The following SYT9 variants were observed in gnomAD, a reference collection of about 807,000 sequenced individuals.
The protein encoded by SYT9 is synaptotagmin-9.
A neutral mutation model predicts 48.4 loss-of-function variants in SYT9; 22 were observed. That is an observed-to-expected ratio of 0.45 (90% CI 0.32 to 0.65). The LOEUF is 0.65. Ranked by LOEUF, SYT9 falls within the 30% of genes least tolerant of loss-of-function variation. SYT9 has a pLI of 0.03. For synonymous variants in SYT9, 265 were observed against 245.0 expected, an observed-to-expected ratio of 1.08 and a Z score of -0.76; for missense variants, 577 against 622.0, an observed-to-expected ratio of 0.93 and a Z score of 0.77.
intron 6 of SYT9, chr11:7,454,029 C>T: frequency 3.0e-6 from 3 of 985,428 alleles, no homozygotes; most frequent in Non-Finnish European, 3.6e-6. Flanking sequence ...GCCAAGAGGG[C>T]TCAGCTTCCC....
chr11:7,251,238 G>A (rs1037656032), upstream of SYT9, among the ~76,000 whole-genome samples: 1 of 152,116 alleles, frequency 6.6e-6, no homozygotes, highest in African/African-American at 2.4e-5. Flanking sequence ...AAGATTCTGT[G>A]ATACTCCTCC....
intron 3 of SYT9, among the ~76,000 whole-genome samples, chr11:7,384,095 C>CT (rs1323341093): frequency 6.6e-6 from 1 of 151,188 alleles, no homozygotes; most frequent in Non-Finnish European, 1.5e-5. Flanking sequence ...CACACACACC[C>CT]TCACACCTTA....
At chr11:7,278,584 G>T (rs1368625265) in intron 1 of SYT9, among the ~76,000 whole-genome samples, 1 of 152,168 alleles carries the variant, frequency 6.6e-6, no homozygotes, top group Non-Finnish European at 1.5e-5. Context: ...GGTTTAAAGA[G>T]GGTGGTTCTT....
At chr11:7,438,329 G>A (rs1168376722) in intron 6 of SYT9, 1 of 152,226 alleles carries the variant, frequency 6.6e-6, no homozygotes, top group Non-Finnish European at 1.5e-5. Flanking sequence ...TTCTCACAGA[G>A]CACACAGGAT....
At chr11:7,246,496 A>C (rs777789455) in intron 1 of SYT9, among the ~76,000 whole-genome samples, 1 of 152,166 alleles carries the variant, frequency 6.6e-6, no homozygotes, top group Non-Finnish European at 1.5e-5. Context: ...AGCTAACTCT[A>C]CTTCTTCAAT....
At chr11:7,334,405 G>A (rs59459546) in intron 3 of SYT9, among the ~76,000 whole-genome samples, 1,660 of 152,256 alleles carry the variant, frequency 0.011, 29 homozygotes, top group African/African-American at 0.038. Flanking sequence ...GGCCACTCGC[G>A]TGTGGTTAAT....
At chr11:7,305,865 C>A (rs1030891022) in intron 2 of SYT9, among the ~76,000 whole-genome samples, 1 of 152,232 alleles carries the variant, frequency 6.6e-6, no homozygotes, top group African/African-American at 2.4e-5. Context: ...CAGTTTCTGT[C>A]ACACCATTGA....
At chr11:7,357,815 C>A (rs929019365) in intron 3 of SYT9, among the ~76,000 whole-genome samples, 1 of 152,048 alleles carries the variant, frequency 6.6e-6, no homozygotes, top group Non-Finnish European at 1.5e-5. Flanking sequence ...ACCAATGTAA[C>A]CATTTTTATT....
At chr11:7,282,895 A>G (rs917938477) in intron 1 of SYT9, among the ~76,000 whole-genome samples, 13 of 151,576 alleles carry the variant, frequency 8.6e-5, no homozygotes, top group African/African-American at 3.2e-4. Context: ...CAAGTAATAT[A>G]TGCACCGTGT....
chr11:7,366,883 C>T (rs1013997090), intron 3 of SYT9, among the ~76,000 whole-genome samples: 13 of 151,766 alleles, frequency 8.6e-5, no homozygotes, highest in African/African-American at 2.9e-4. Flanking sequence ...CCCTCATAAA[C>T]ATTTATTATT....
chr11:7,313,873 C>G lies in SYT9; in HGVS notation c.976C>G (p.His326Asp). 6.2e-7 allele frequency: 1 copy of G among 1,614,140 alleles called. No individual in the cohort carries two copies. The highest frequency in any genetic ancestry group is 2.2e-5 in the East Asian group (1 of 44,886). ...HDLIGQVVVD[H>D]FLDLADFPRE... is the part of the protein sequence containing the mutation. ...CTTAATCGGCCAAGTGGTGGTGGAT[C>G]ACTTCCTAGACTTGGCTGATTTCCC... Residue 326 changes from histidine to aspartate, a missense_variant, in exon 3 of 7, where the codon CAC becomes GAC. Coordinates refer to ENST00000318881, the MANE Select transcript of SYT9 (RefSeq NM_175733.4).
chr11:7,261,723 C>A (rs1327982857), intron 1 of SYT9, among the ~76,000 whole-genome samples: 1 of 151,772 alleles, frequency 6.6e-6, no homozygotes, highest in Non-Finnish European at 1.5e-5. Flanking sequence ...GCGTTCCAGG[C>A]AGGAGAGCGG....
chr11:7,388,235 T>G (rs1452519521), intron 3 of SYT9, among the ~76,000 whole-genome samples: 4 of 152,194 alleles, frequency 2.6e-5, no homozygotes, highest in Admixed American at 2.6e-4. Context: ...GAGTTTTGTG[T>G]TTTAAAGAAC....
At chr11:7,286,589 G>T (rs1239181815) in intron 1 of SYT9, among the ~76,000 whole-genome samples, 1 of 152,184 alleles carries the variant, frequency 6.6e-6, no homozygotes, top group Non-Finnish European at 1.5e-5. Context: ...TTTCTCCCCA[G>T]AAAATGGCTT....
chr11:7,468,222 C>CATT lies in SYT9; in HGVS notation c.*1423_*1425dup, dbSNP rs1222620414. On this transcript the variant is annotated 3_prime_UTR_variant, in exon 7 of 7. Coordinates refer to ENST00000318881, the MANE Select transcript of SYT9 (RefSeq NM_175733.4). ...AGCTCATTATCTCTGTTTGAATTAA[C>CATT]ATTTCAGCATGGAACTAACTGGGCG... is the stretch of plus-strand genomic sequence containing the variant. The CATT allele has an allele frequency of 5.0e-6, 2 of 398,516 alleles. No homozygotes were observed. Among genetic ancestry groups the CATT allele is most frequent in the African/African-American group, 4.1e-5 (2 of 48,634 alleles). The allele number at this position is 398,516 out of a possible 1,614,324, so 24.7% of individuals were successfully genotyped here.
chr11:7,250,885 C>CA (rs762757203), upstream of SYT9, among the ~76,000 whole-genome samples: 18 of 150,468 alleles, frequency 1.2e-4, no homozygotes, highest in African/African-American at 1.7e-4. Flanking sequence ...ACCAGTATTA[C>CA]AAAAAAGACA....
chr11:7,322,024 C>T (rs776949594), intron 3 of SYT9, among the ~76,000 whole-genome samples: 8 of 152,078 alleles, frequency 5.3e-5, no homozygotes, highest in Non-Finnish European at 1.0e-4. Context: ...GTCCTACCTC[C>T]GTATGATTTT....
chr11:7,405,969 C>G (rs960241635), intron 3 of SYT9, among the ~76,000 whole-genome samples: 6 of 152,092 alleles, frequency 3.9e-5, no homozygotes, highest in African/African-American at 1.4e-4. Context: ...GAACTAGGGG[C>G]TGTTCTAGGC....
chr11:7,305,907 C>T (rs534791655), intron 2 of SYT9, among the ~76,000 whole-genome samples: 2 of 152,218 alleles, frequency 1.3e-5, no homozygotes, highest in Non-Finnish European at 1.5e-5. Flanking sequence ...CTGGCCTCTT[C>T]GGCTTGGATG....
Sources: allele counts gnomAD v4.1 joint callset (sites outside exome capture counted in the v4.1 genomes callset), GRCh38; gene constraint gnomAD v4.1.1; transcripts MANE v1.5; gene names NCBI Gene and HGNC (gene_info 2026-07-23, HGNC 2026-07-21).